Variants in ZBTB10 observed in about 807,000 individuals in gnomAD.
ZBTB10 encodes the protein zinc finger and BTB domain containing 10.
Under a neutral mutation model 76.4 loss-of-function variants are expected in ZBTB10, and 32 were observed. The observed-to-expected ratio is 0.42, with a 90% CI of 0.32 to 0.56. The LOEUF is 0.56. Ranked by LOEUF, ZBTB10 falls within the 20% of genes least tolerant of loss-of-function variation. ZBTB10 has a pLI of 0.14. For synonymous variants in ZBTB10, 523 were observed against 432.9 expected, an observed-to-expected ratio of 1.21 and a Z score of -2.58; for missense variants, 1,057 against 1,098.5, an observed-to-expected ratio of 0.96 and a Z score of 0.53.
In ZBTB10 at chr8:80,500,394, C is replaced by G. The variant is rs1395565133; in HGVS notation, c.1861+12C>G. The G allele has an allele frequency of 6.5e-7, 1 of 1,528,556 alleles. No homozygotes were observed. The highest frequency in any genetic ancestry group is 1.8e-4 in the Middle Eastern group (1 of 5,620). 94.7% of individuals were successfully genotyped at this position (1,528,556 alleles called of 1,614,324 possible). On this transcript the variant is annotated intron_variant, in intron 2 of 5. Coordinates refer to ENST00000455036, the MANE Select transcript of ZBTB10 (RefSeq NM_001105539.3). The stretch of plus-strand genomic sequence containing the variant: ...CAAGGAAGAACCAGGTAAATATTAT[C>G]TATACAAGGATACTTCCTTGTTCAT...
chr8:80,525,572 A>G lies in ZBTB10; in HGVS notation c.*6044A>G, dbSNP rs1191722659. The stretch of plus-strand genomic sequence containing the variant: ...ATGGTTTCAGGATTATTGTAGAATT[A>G]TTTAGGTTGAAAGAGACTGTAAGAG... On this transcript the variant is annotated 3_prime_UTR_variant, in exon 6 of 6. Coordinates refer to ENST00000455036, the MANE Select transcript of ZBTB10 (RefSeq NM_001105539.3). 6.6e-6 allele frequency: 1 copy of G among 152,140 alleles called. No homozygotes were observed. Among genetic ancestry groups the G allele is most frequent in the Non-Finnish European group, 1.5e-5 (1 of 68,016 alleles). 9.4% of individuals were successfully genotyped at this position (152,140 alleles called of 1,614,324 possible). A position where few individuals can be genotyped will look rare whatever the true frequency, so the allele number is the denominator to read the frequency against.
intron 1 of ZBTB10, among the ~76,000 whole-genome samples, chr8:80,493,672 A>C (rs115299259): frequency 0.022 from 3,373 of 151,166 alleles, 99 homozygotes; most frequent in African/African-American, 0.067. Context: ...CAAAACAAAA[A>C]AAAAAAACCG....
At chr8:80,490,460 C>A (rs1815598747) in intron 1 of ZBTB10, among the ~76,000 whole-genome samples, 1 of 152,020 alleles carries the variant, frequency 6.6e-6, no homozygotes, top group Non-Finnish European at 1.5e-5. Context: ...TGGTCTCAAC[C>A]TTTTGGGCTC....
At chr8:80,508,431 A>G (rs1331905729) in intron 2 of ZBTB10, among the ~76,000 whole-genome samples, 1 of 152,252 alleles carries the variant, frequency 6.6e-6, no homozygotes, top group Non-Finnish European at 1.5e-5. Flanking sequence ...GTTTTTATTT[A>G]AAATCTAAAG....
At chr8:80,491,086 T>C (rs1815618870) in intron 1 of ZBTB10, among the ~76,000 whole-genome samples, 2 of 152,166 alleles carry the variant, frequency 1.3e-5, no homozygotes, top group South Asian at 2.1e-4. Flanking sequence ...TACAGCAGTG[T>C]ATGGTAATGT....
intron 1 of ZBTB10, among the ~76,000 whole-genome samples, chr8:80,494,922 CAA>C (rs35629668): frequency 0.017 from 1,740 of 105,136 alleles, 30 homozygotes; most frequent in African/African-American, 0.039. Context: ...GACACTGTCT[CAA>C]AAAAAAAAAA....
intron 1 of ZBTB10, among the ~76,000 whole-genome samples, chr8:80,491,841 C>T (rs1381184861): frequency 6.6e-6 from 1 of 152,218 alleles, no homozygotes; most frequent in Non-Finnish European, 1.5e-5. Flanking sequence ...CACATCCTGT[C>T]AACTCTTCCT....
Position 80,487,539 on chromosome 8 carries a change from G to A in ZBTB10, c.729G>A (p.Met243Ile). 2 of 1,591,012 alleles carry A rather than the reference G, an allele frequency of 1.3e-6. No individual in the cohort carries two copies. Among genetic ancestry groups the A allele is most frequent in the Non-Finnish European group, 1.7e-6 (2 of 1,168,562 alleles). ...HFPLARPKSLMQKLQCSFQTS... is the reference protein window; with the variant it reads ...HFPLARPKSLIQKLQCSFQTS... ...CGCTCGCGCGGCCCAAGTCTCTAAT[G>A]CAGAAGCTCCAATGCTCCTTCCAGA... The change falls in exon 1 of 6, where the codon ATG (methionine) becomes ATA (isoleucine). Residue 243 changes from methionine (M) to isoleucine (I), a missense_variant. Physicochemically the swap from Met to Ile is conservative, Grantham distance 10. This residue lies in a region of ZBTB10 where 556 missense variants were observed against 451.7 expected (regional missense o/e 1.23). Coordinates refer to ENST00000455036, the MANE Select transcript of ZBTB10 (RefSeq NM_001105539.3).
chr8:80,486,951 C>T lies in ZBTB10; in HGVS notation c.141C>T (p.Pro47=). Residue 47 remains proline, a synonymous_variant, in exon 1 of 6, where the codon CCC becomes CCT. Transcript: ENST00000455036. ...AWPPQPQPRQ[P]PPPAPPALQP... is the part of the protein sequence containing the mutation. ...CTCCGCAGCCCCAGCCGAGACAGCCCCCGCCGCCAGCGCCGCCCGCGCTTC... is the reference window on the plus strand; with the variant it reads ...CTCCGCAGCCCCAGCCGAGACAGCCTCCGCCGCCAGCGCCGCCCGCGCTTC... 6.6e-7 allele frequency: 1 copy of T among 1,513,884 alleles called. No homozygotes were observed. The highest frequency in any genetic ancestry group is 1.2e-5 in the South Asian group (1 of 81,564). 93.8% of individuals were successfully genotyped at this position (1,513,884 alleles called of 1,614,324 possible). A position where few individuals can be genotyped will look rare whatever the true frequency, so the allele number is the denominator to read the frequency against.
intron 3 of ZBTB10, among the ~76,000 whole-genome samples, chr8:80,514,623 T>C (rs1459429627): frequency 6.6e-6 from 1 of 152,172 alleles, no homozygotes; most frequent in African/African-American, 2.4e-5. Context: ...CCCCCTATGA[T>C]TGGGTGAAAG....
chr8:80,497,951 A>G (rs1815828834), intron 1 of ZBTB10, among the ~76,000 whole-genome samples: 1 of 151,948 alleles, frequency 6.6e-6, no homozygotes, highest in Non-Finnish European at 1.5e-5. Context: ...GTGAGCCACC[A>G]TGCCTGGCCA....
In ZBTB10 at chr8:80,486,445, G is replaced by C. The variant is rs1265426002; in HGVS notation, c.-366G>C. On this transcript the variant is annotated 5_prime_UTR_variant, in exon 1 of 6. Transcript: ENST00000455036. ...GCGGCTTTAAAGAGGGGGCAGCGGA[G>C]GGTCTCCCCGCACTCCGCTGCTCAA... 1.0e-6 allele frequency: 1 copy of C among 984,932 alleles called. No individual in the cohort carries two copies. The highest frequency in any genetic ancestry group is 1.2e-6 in the Non-Finnish European group (1 of 829,958). The allele number at this position is 984,932 out of a possible 1,614,324, so 61.0% of individuals were successfully genotyped here. A position where few individuals can be genotyped will look rare whatever the true frequency, so the allele number is the denominator to read the frequency against.
In ZBTB10 at chr8:80,519,414, CGAG is replaced by C. The variant is rs1816404490; in HGVS notation, c.2506_2508del (p.Glu836del). 1 of 1,612,184 alleles carries C rather than the reference CGAG, an allele frequency of 6.2e-7. No individual in the cohort carries two copies. The highest frequency in any genetic ancestry group is 8.5e-7 in the Non-Finnish European group (1 of 1,179,292). ...CAGAATTCCCTCGGGATGAAGAATA[CGAG>C]GAGAATGAAGTAGGAGAAGCTGATG... On this transcript the variant is annotated inframe_deletion, in exon 6 of 6. Transcript: ENST00000455036.
rs1330328655 is a variant in ZBTB10, at chr8:80,524,718, A to C, written c.*5190A>C. On this transcript the variant is annotated 3_prime_UTR_variant, in exon 6 of 6. Transcript: ENST00000455036. Reference sequence around the variant, plus strand: ...AACATGTAAAGAGCTATCATGAGGCAGAAGAATTAAGAAACTTTATATGTT... The same window carrying C: ...AACATGTAAAGAGCTATCATGAGGCCGAAGAATTAAGAAACTTTATATGTT... The C allele has an allele frequency of 1.3e-5, 2 of 152,098 alleles. No homozygotes were observed. Among genetic ancestry groups the C allele is most frequent in the African/African-American group, 4.8e-5 (2 of 41,454 alleles). 9.4% of individuals were successfully genotyped at this position (152,098 alleles called of 1,614,324 possible).
intron 3 of ZBTB10, among the ~76,000 whole-genome samples, chr8:80,515,953 A>G (rs1816316401): frequency 2.0e-5 from 3 of 152,214 alleles, no homozygotes; most frequent in Admixed American, 2.0e-4. Context: ...AAGAATTAGG[A>G]GAGATGAAAG....
rs369832455 is a variant in ZBTB10 at position 80,500,303 on chromosome 8, G to A, written c.1782G>A (p.Thr594=). 1.0e-5 allele frequency: 16 copies of A among 1,580,218 alleles called. No homozygotes were observed. The highest frequency in any genetic ancestry group is 5.8e-5 in the South Asian group (5 of 86,236). The change falls in exon 2 of 6, where the codon ACG becomes ACA. Residue 594 remains threonine (T), a synonymous_variant. Transcript: ENST00000455036. ...FIYNIPPNNE[T]NLEDCSVMQP... is the part of the protein sequence containing the mutation. ...ATAATATTCCACCTAATAATGAAAC[G>A]AATTTAGAAGATTGCTCAGTAATGC...
chr8:80,520,743 C>T lies in ZBTB10; in HGVS notation c.*1215C>T, dbSNP rs1205379565. 1 of 151,550 alleles carries T rather than the reference C, an allele frequency of 6.6e-6. No individual in the cohort carries two copies. 9.4% of individuals were successfully genotyped at this position (151,550 alleles called of 1,614,324 possible). A position where few individuals can be genotyped will look rare whatever the true frequency, so the allele number is the denominator to read the frequency against. On this transcript the variant is annotated 3_prime_UTR_variant, in exon 6 of 6. Transcript: ENST00000455036. ...AGTAGTCACCATGATTCAACAGTCTCAAAAATCTTACAAATAAAATTCTGA... is the reference window on the plus strand; with the variant it reads ...AGTAGTCACCATGATTCAACAGTCTTAAAAATCTTACAAATAAAATTCTGA...
chr8:80,510,045 G>A (rs2131506553), intron 2 of ZBTB10, among the ~76,000 whole-genome samples: 1 of 152,282 alleles, frequency 6.6e-6, no homozygotes, highest in Middle Eastern at 3.4e-3. Flanking sequence ...GGAGGAGATT[G>A]CTTTAAAGTA....
chr8:80,485,821 T>C (rs1373045565), upstream of ZBTB10: 3 of 1,535,768 alleles, frequency 2.0e-6, no homozygotes, highest in East Asian at 4.9e-5. Context: ...CGCACAGTTA[T>C]TTGCAAAGTC....
Sources: allele counts gnomAD v4.1 joint callset (sites outside exome capture counted in the v4.1 genomes callset), GRCh38; gene constraint gnomAD v4.1.1; regional missense constraint gnomAD v4.1.1; transcripts MANE v1.5; gene names NCBI Gene and HGNC (gene_info 2026-07-23, HGNC 2026-07-21).